The following PKNOX1 variants were observed in gnomAD, a reference collection of about 807,000 sequenced individuals.
PKNOX1 encodes homeobox protein PKNOX1.
A neutral mutation model predicts 51.9 loss-of-function variants in PKNOX1; 15 were observed. That is an observed-to-expected ratio of 0.29 (90% confidence interval 0.19 to 0.45). The LOEUF (loss-of-function observed/expected upper bound fraction) is 0.45, where lower values mean the gene tolerates loss of function less well. PKNOX1 is among the 20% of genes least tolerant of loss of function. PKNOX1 has a pLI of 1.00. For missense variants in PKNOX1, 462 were observed against 547.5 expected (o/e 0.84, Z 1.56); for synonymous variants, 219 against 211.1 (o/e 1.04, Z -0.32).
chr21:43,023,175 G>A (rs1035499500), intron 8 of PKNOX1, among the ~76,000 whole-genome samples: 2 of 151,744 alleles, frequency 1.3e-5, no homozygotes, highest in African/African-American at 2.4e-5. Flanking sequence ...TTGTGTGCTC[G>A]TGTTTCCTGC....
chr21:43,016,280 A>G (rs1375985066), intron 5 of PKNOX1, among the ~76,000 whole-genome samples: 4 of 152,256 alleles, frequency 2.6e-5, no homozygotes, highest in African/African-American at 2.4e-5. Flanking sequence ...AGATGCATAG[A>G]GTCCTCCATG....
intron 1 of PKNOX1, among the ~76,000 whole-genome samples, chr21:42,999,775 G>A (rs564182722): frequency 4.6e-5 from 7 of 152,076 alleles, no homozygotes; most frequent in African/African-American, 7.2e-5. Flanking sequence ...CATTGCTCCC[G>A]GCTGGGATTT....
chr21:43,027,154 G>A (rs542832080), intron 9 of PKNOX1, among the ~76,000 whole-genome samples: 8 of 152,218 alleles, frequency 5.3e-5, no homozygotes, highest in Admixed American at 1.3e-4. Flanking sequence ...TTTAATAGAT[G>A]AGCAATGTGT....
chr21:43,007,753 A>C, intron 3 of PKNOX1, 135 bp downstream of exon 3: 1 of 936,090 alleles, frequency 1.1e-6, no homozygotes, highest in Non-Finnish European at 1.6e-6. Context: ...GCTCGGCTGA[A>C]AATTTTCTCA....
intron 1 of PKNOX1, among the ~76,000 whole-genome samples, chr21:43,003,633 T>C (rs1046979082): frequency 2.0e-5 from 3 of 152,162 alleles, no homozygotes; most frequent in Non-Finnish European, 4.4e-5. Flanking sequence ...CTTCACCCTG[T>C]GCCCATTCTT....
At chr21:42,988,855 G>A (rs972876099) in intron 1 of PKNOX1, among the ~76,000 whole-genome samples, 3 of 152,096 alleles carry the variant, frequency 2.0e-5, no homozygotes, top group Non-Finnish European at 4.4e-5. Flanking sequence ...GCTGGATGAG[G>A]ACCCCCTCAC....
At chr21:43,004,574 G>A (rs1184011448) in intron 2 of PKNOX1, 142 bp downstream of exon 2, 2 of 531,864 alleles carry the variant, frequency 3.8e-6, no homozygotes, top group African/African-American at 4.8e-5. Context: ...GTACATTCGT[G>A]TTCAGAAAAA....
chr21:43,014,268 G>A (rs573615683), intron 5 of PKNOX1, among the ~76,000 whole-genome samples: 50 of 152,134 alleles, frequency 3.3e-4, no homozygotes, highest in Admixed American at 1.9e-3. Flanking sequence ...TGATCCGCCC[G>A]CCTTGGCCTC....
At chr21:43,006,617 G>A (rs56212751) in intron 2 of PKNOX1, among the ~76,000 whole-genome samples, 12,512 of 152,252 alleles carry the variant, frequency 0.082, 715 homozygotes, top group Non-Finnish European at 0.12. Context: ...GAGAGCACAG[G>A]GCTGGAGGAT....
In PKNOX1 at chr21:43,005,533, A is replaced by G. The variant is rs1290096901; in HGVS notation, c.51+1101A>G. ...CTTAGTCCTTTGGTATTTCCAATTG[A>G]CTTTTTTTTTTTTTTCTAAAATGCA... On this transcript the variant is annotated intron_variant, in intron 2 of 10. Transcript: ENST00000291547. Among the ~76,000 whole-genome samples, 7 of 97,032 alleles carry G rather than the reference A, an allele frequency of 7.2e-5. No individual in the cohort carries two copies. In the South Asian group the frequency reaches 2.5e-3, roughly 35 times the overall value. The allele number at this position is 97,032 out of a possible 152,430, so 63.7% of individuals were successfully genotyped here. A position where few individuals can be genotyped will look rare whatever the true frequency, so the allele number is the denominator to read the frequency against.
intron 1 of PKNOX1, among the ~76,000 whole-genome samples, chr21:42,990,820 C>T (rs938818105): frequency 1.3e-5 from 2 of 152,220 alleles, no homozygotes; most frequent in South Asian, 2.1e-4. Context: ...GTGAGCTAAA[C>T]GCAATGAACT....
rs1980311743 is a variant in PKNOX1, at chr21:43,032,341, C to CCCTCACCACCCTCCG, written c.*2240_*2241insCCTCACCACCCTCCG. 13 of 394,974 alleles carry CCCTCACCACCCTCCG rather than the reference C, an allele frequency of 3.3e-5. No homozygotes were observed. The highest frequency in any genetic ancestry group is 4.2e-4 in the Middle Eastern group (1 of 2,370). The allele number at this position is 394,974 out of a possible 1,614,324, so 24.5% of individuals were successfully genotyped here. ...CCCTCACCACCCTCCGTCTCTTCGGCTGCTTGCTCTTTAGTGTAGATTAGT... is the reference window on the plus strand; with the variant it reads ...CCCTCACCACCCTCCGTCTCTTCGGCCCTCACCACCCTCCGTGCTTGCTCTTTAGTGTAGATTAGT... On this transcript the variant is annotated 3_prime_UTR_variant, in exon 11 of 11. Transcript: ENST00000291547.
chr21:42,987,557 C>A lies in PKNOX1; in HGVS notation c.-57+12893C>A, dbSNP rs73370218. 4.1e-3 allele frequency among the ~76,000 whole-genome samples: 612 copies of A among 150,384 alleles called. 4 individuals carry two copies. The highest frequency in any genetic ancestry group is 0.014 in the African/African-American group (579 of 40,974). ...GGTCAGGGATTGGCAAACCACAGGC[C>A]TATGGGCCAGATCCCACTGACCTTT... is the stretch of plus-strand genomic sequence containing the variant. On this transcript the variant is annotated intron_variant, in intron 1 of 10. Transcript: ENST00000291547.
intron 1 of PKNOX1, among the ~76,000 whole-genome samples, chr21:42,979,530 C>T (rs2059016078): frequency 6.6e-6 from 1 of 151,938 alleles, no homozygotes; most frequent in Admixed American, 6.6e-5. Flanking sequence ...ATCACGAGGT[C>T]AGGAGATCGA....
intron 1 of PKNOX1, among the ~76,000 whole-genome samples, chr21:43,001,736 G>C (rs961388687): frequency 6.6e-6 from 1 of 152,040 alleles, no homozygotes; most frequent in African/African-American, 2.4e-5. Flanking sequence ...TGAGGCGGGC[G>C]GATCACAAGG....
Position 43,018,237 on chromosome 21 carries a change from G to T in PKNOX1, c.720+7G>T. 1 of 1,603,592 alleles carries T rather than the reference G, an allele frequency of 6.2e-7. No individual in the cohort carries two copies. Among genetic ancestry groups the T allele is most frequent in the Non-Finnish European group, 8.5e-7 (1 of 1,170,588 alleles). ...TAGGATCCAGAACTCCCAGGTGCGT[G>T]CGCCATTTTATGGAAGGCTTTGGGG... On this transcript the variant is annotated splice_region_variant and intron_variant, in intron 7 of 10. Coordinates refer to ENST00000291547, the MANE Select transcript of PKNOX1 (RefSeq NM_004571.5).
chr21:43,030,241 G>A lies in PKNOX1; in HGVS notation c.*140G>A, dbSNP rs11910392. 1.3e-3 allele frequency: 859 copies of A among 652,928 alleles called. 4 individuals are homozygous for A. The African/African-American group carries it at 0.014, about 11-fold the overall frequency. The allele number at this position is 652,928 out of a possible 1,614,324, so 40.4% of individuals were successfully genotyped here. On this transcript the variant is annotated 3_prime_UTR_variant, in exon 11 of 11. Transcript: ENST00000291547. ...AGTAAGCTTAAAGCGCGTCTTTGCC[G>A]GTGCAGCGACTTCTTTCAAGTGTGT...
At chr21:42,992,714 TTCACAGCACTGGGGGTTCCC>T (rs149761138) in intron 1 of PKNOX1, among the ~76,000 whole-genome samples, 5,411 of 150,988 alleles carry the variant, frequency 0.036, 135 homozygotes, top group Non-Finnish European at 0.059. Context: ...AGAGGAGGTC[TTCACAGCACTGGGGGTTCCC>T]TCACAGCACT....
intron 2 of PKNOX1, among the ~76,000 whole-genome samples, chr21:43,005,973 A>G (rs976708673): frequency 3.3e-5 from 5 of 152,212 alleles, no homozygotes; most frequent in South Asian, 2.1e-4. Flanking sequence ...TTAAATAAAC[A>G]TTGAAATATA....
Sources: allele counts gnomAD v4.1 joint callset (sites outside exome capture counted in the v4.1 genomes callset), GRCh38; gene constraint gnomAD v4.1.1; transcripts MANE v1.5; gene names NCBI Gene and HGNC (gene_info 2026-07-23, HGNC 2026-07-21).